The following FAM20B variants were observed in gnomAD, a reference collection of about 807,000 sequenced individuals.
The protein encoded by FAM20B is FAM20B glycosaminoglycan xylosylkinase.
A neutral mutation model predicts 43.8 loss-of-function variants in FAM20B; 23 were observed. The observed-to-expected ratio is 0.53, with a 90% CI of 0.38 to 0.74. The LOEUF is 0.74. Among genes scored for constraint, FAM20B ranks in the 30% least tolerant of loss-of-function variants. The pLI is 0.00. For missense variants in FAM20B, 440 were observed against 510.5 expected (o/e 0.86, Z 1.33); for synonymous variants, 178 against 192.4 (o/e 0.93, Z 0.62).
intron 6 of FAM20B, 60 bp downstream of exon 6, chr1:179,064,556 T>C: frequency 7.5e-7 from 1 of 1,338,624 alleles, no homozygotes; most frequent in Non-Finnish European, 1.0e-6. Context: ...AGAAGGGCAT[T>C]TTCCAGAGCA....
At chr1:179,057,521 T>G (rs1304210122) in intron 4 of FAM20B, among the ~76,000 whole-genome samples, 1 of 152,126 alleles carries the variant, frequency 6.6e-6, no homozygotes, top group Non-Finnish European at 1.5e-5. Flanking sequence ...CTTTTGACAA[T>G]AGCATGCAAT....
intron 2 of FAM20B, among the ~76,000 whole-genome samples, chr1:179,047,422 C>T (rs79641714): frequency 6.6e-6 from 1 of 152,316 alleles, no homozygotes; most frequent in East Asian, 1.9e-4. Flanking sequence ...AGCCTAAGGT[C>T]AAGCCCCTGA....
In FAM20B at chr1:179,069,951, T is replaced by A. The variant is rs141303037; in HGVS notation, c.999-1962T>A. Reference sequence around the variant, plus strand: ...CCCACAGAGAGCTAAGAACTTTTCTTCTCAGATTTTAAATAAAAGATATGC... The same window carrying A: ...CCCACAGAGAGCTAAGAACTTTTCTACTCAGATTTTAAATAAAAGATATGC... On this transcript the variant is annotated intron_variant, in intron 7 of 7. Transcript: ENST00000263733. Among the ~76,000 whole-genome samples, 145 of 152,350 alleles carry A rather than the reference T, an allele frequency of 9.5e-4. 4 individuals carry two copies. The East Asian group carries it at 0.024, about 26-fold the overall frequency.
At chr1:179,064,218 G>T in intron 5 of FAM20B, 87 bp from the exon 6 acceptor site, 1 of 1,418,212 alleles carries the variant, frequency 7.1e-7, no homozygotes, top group Non-Finnish European at 9.7e-7. Flanking sequence ...GGGGCAAACC[G>T]GTAGGTAGGA....
intron 1 of FAM20B, among the ~76,000 whole-genome samples, chr1:179,040,499 C>G (rs1259611206): frequency 6.8e-6 from 1 of 147,294 alleles, no homozygotes; most frequent in Non-Finnish European, 1.5e-5. Context: ...CTGACCCCCC[C>G]ACCTCCCTCC....
chr1:179,068,453 G>A (rs1210371659), intron 7 of FAM20B, among the ~76,000 whole-genome samples: 2 of 147,488 alleles, frequency 1.4e-5, no homozygotes, highest in Admixed American at 1.3e-4. Flanking sequence ...TTTTTTTTTT[G>A]GAGATGGAGT....
chr1:179,038,653 GT>G (rs1318620223), intron 1 of FAM20B, among the ~76,000 whole-genome samples: 1 of 152,192 alleles, frequency 6.6e-6, no homozygotes, highest in Non-Finnish European at 1.5e-5. Context: ...ATGTTGTGTG[GT>G]TTAGGTTGCA....
At chr1:179,064,282 G>A (rs1190936069) in intron 5 of FAM20B, 23 bp from the exon 6 acceptor site, 1 of 1,584,718 alleles carries the variant, frequency 6.3e-7, no homozygotes, top group Admixed American at 1.7e-5. Flanking sequence ...GTCACTCAGT[G>A]CTGTGATGCT....
chr1:179,053,052 T>C (rs1429805047), intron 3 of FAM20B, among the ~76,000 whole-genome samples: 1 of 152,242 alleles, frequency 6.6e-6, no homozygotes, highest in African/African-American at 2.4e-5. Flanking sequence ...CTTAGAGTAT[T>C]TGTGTACTTT....
chr1:179,058,653 T>A (rs1447852182), intron 4 of FAM20B, among the ~76,000 whole-genome samples: 1 of 152,158 alleles, frequency 6.6e-6, no homozygotes, highest in African/African-American at 2.4e-5. Flanking sequence ...AGAGTTTGAA[T>A]ATGGAAAAAT....
Position 179,044,647 on chromosome 1 carries a change from C to G in FAM20B, c.377+423C>G, listed in dbSNP as rs187356159. Among the ~76,000 whole-genome samples, 22 of 152,308 alleles carry G rather than the reference C, an allele frequency of 1.4e-4. No homozygotes were observed. The East Asian group carries it at 4.1e-3, about 28-fold the overall frequency. ...CATGATAGTTCATTTGTTTTTATCA[C>G]TGAATAATATTCCATTGTCTAGATG... On this transcript the variant is annotated intron_variant, in intron 2 of 7. Coordinates refer to ENST00000263733, the MANE Select transcript of FAM20B (RefSeq NM_014864.4).
intron 3 of FAM20B, among the ~76,000 whole-genome samples, chr1:179,051,771 C>T (rs1442018438): frequency 6.6e-6 from 1 of 152,054 alleles, no homozygotes; most frequent in South Asian, 2.1e-4. Context: ...CTCAGCCTAC[C>T]GAGTAGCTGG....
intron 7 of FAM20B, among the ~76,000 whole-genome samples, chr1:179,071,168 T>C (rs938853157): frequency 6.6e-5 from 10 of 151,476 alleles, no homozygotes; most frequent in Admixed American, 2.0e-4. Context: ...TGGTGGCGGG[T>C]GCCTGTAGTC....
At chr1:179,035,660 G>A in intron 1 of FAM20B, 1 of 400,878 alleles carries the variant, frequency 2.5e-6, no homozygotes, top group East Asian at 5.3e-5. Context: ...CATCTTGGAG[G>A]CATGGACCGG....
At chr1:179,062,584 A>G (rs1651517044) in intron 4 of FAM20B, among the ~76,000 whole-genome samples, 1 of 152,030 alleles carries the variant, frequency 6.6e-6, no homozygotes, top group Non-Finnish European at 1.5e-5. Context: ...CGGGAGGCGG[A>G]GGTTTCAGTG....
chr1:179,041,350 C>T (rs1650517768), intron 1 of FAM20B, among the ~76,000 whole-genome samples: 1 of 152,148 alleles, frequency 6.6e-6, no homozygotes, highest in Non-Finnish European at 1.5e-5. Flanking sequence ...CGCCACTGCA[C>T]TCCAGCCTGG....
rs548087327 is a variant in FAM20B, at chr1:179,072,582, T to TA, written c.*439dup. The TA allele has an allele frequency of 1.0e-3, 177 of 169,548 alleles. 2 individuals are homozygous for TA. Among genetic ancestry groups the TA allele is most frequent in the African/African-American group, 4.1e-3 (171 of 41,928 alleles). The allele number at this position is 169,548 out of a possible 1,614,324, so 10.5% of individuals were successfully genotyped here. ...CTTTTTTTTTTTTACCAGAACTAGT[T>TA]ACATTGGAATGCTTACTGTCCTACA... is the stretch of plus-strand genomic sequence containing the variant. On this transcript the variant is annotated 3_prime_UTR_variant, in exon 8 of 8. Coordinates refer to ENST00000263733, the MANE Select transcript of FAM20B (RefSeq NM_014864.4).
At chr1:179,034,989 T>C (rs896018228) in intron 1 of FAM20B, among the ~76,000 whole-genome samples, 1 of 152,320 alleles carries the variant, frequency 6.6e-6, no homozygotes, top group East Asian at 1.9e-4. Flanking sequence ...TTATTTCTTC[T>C]CTATGACCTC....
At chr1:179,033,128 C>A (rs1295235529) in intron 1 of FAM20B, among the ~76,000 whole-genome samples, 1 of 152,152 alleles carries the variant, frequency 6.6e-6, no homozygotes, top group East Asian at 1.9e-4. Flanking sequence ...TTTTTTTGCA[C>A]TAAAAGATGT....
Sources: allele counts gnomAD v4.1 joint callset (sites outside exome capture counted in the v4.1 genomes callset), GRCh38; gene constraint gnomAD v4.1.1; transcripts MANE v1.5; gene names NCBI Gene and HGNC (gene_info 2026-07-23, HGNC 2026-07-21).